Variants in DCHS1 observed in about 807,000 individuals in gnomAD.
DCHS1 encodes the protein dachsous cadherin-related 1.
DCHS1 carries 78 observed loss-of-function variants against 213.9 expected under a neutral mutation model. That is an observed-to-expected ratio of 0.36 (90% confidence interval 0.30 to 0.44). The LOEUF (loss-of-function observed/expected upper bound fraction) is 0.44, where lower values mean the gene tolerates loss of function less well. DCHS1 is among the 20% of genes least tolerant of loss of function. DCHS1 has a pLI of 1.00. For missense variants in DCHS1, 3,946 were observed against 4,395.9 expected (o/e 0.90, Z 2.89); for synonymous variants, 1,828 against 1,873.7 (o/e 0.98, Z 0.63).
intron 20 of DCHS1, 49 bp from the exon 21 acceptor site, chr11:6,624,439 G>C: frequency 6.7e-7 from 1 of 1,491,008 alleles, no homozygotes; most frequent in Non-Finnish European, 9.0e-7. Context: ...AAGGCTGTGA[G>C]TGAACAGAAG....
rs1205828786 is a variant in DCHS1, at chr11:6,625,723, C to T, written c.6736G>A (p.Val2246Met). 1 of 1,602,378 alleles carries T rather than the reference C, an allele frequency of 6.2e-7. No individual in the cohort carries two copies. The highest frequency in any genetic ancestry group is 1.8e-5 in the Admixed American group (1 of 56,848). The change falls in exon 18 of 21, where the codon GTG becomes ATG. Residue 2246 changes from valine to methionine, a missense_variant. Physicochemically the swap from Val to Met is conservative, Grantham distance 21. Transcript: ENST00000299441. This position sits in a 1 kb window ranked among gnomAD's most constrained non-coding sequence, Gnocchi z 5.3. ...DREIWAETRL[V>M]LMATDRGSPA... Reference sequence around the variant, plus strand: ...CTCCCTCTGTCTGTGGCCATCAGCACCAACCTGGACACAAAGCACAATCAT... The same window carrying T: ...CTCCCTCTGTCTGTGGCCATCAGCATCAACCTGGACACAAAGCACAATCAT...
At position 6,640,505 on chromosome 11, in the gene DCHS1, T is replaced by C. The variant is rs1228141809; in HGVS notation, c.1109A>G (p.Asp370Gly). Residue 370 changes from aspartate to glycine, a missense_variant, in exon 2 of 21, where the codon GAT becomes GGT. Asp to Gly is a moderately conservative substitution (Grantham distance 94). Coordinates refer to ENST00000299441, the MANE Select transcript of DCHS1 (RefSeq NM_003737.4). The surrounding 1 kb of genome is among the most constrained non-coding windows in gnomAD (Gnocchi z 6.5). ...GGCCTCAGACACTTGGGGGGAGCCATCTGCACTGAGAAAGATGACAGTCAT... is the reference window on the plus strand; with the variant it reads ...GGCCTCAGACACTTGGGGGGAGCCACCTGCACTGAGAAAGATGACAGTCAT... ...PSMTVIFLSADGSPQVSEAAP... is the reference protein window; with the variant it reads ...PSMTVIFLSAGGSPQVSEAAP... 5.0e-6 allele frequency: 8 copies of C among 1,612,982 alleles called. No homozygotes were observed. The highest frequency in any genetic ancestry group is 6.8e-6 in the Non-Finnish European group (8 of 1,179,870).
In DCHS1 at chr11:6,630,801, T is replaced by G. The variant is rs1289467287; in HGVS notation, c.3993A>C (p.Ala1331=). Reference sequence around the variant, plus strand: ...TCACCGTCAGCACGACAGGCACTGGTGCCGCTGGGTCCCGCTCTGCGAGAT... The same window carrying G: ...TCACCGTCAGCACGACAGGCACTGGGGCCGCTGGGTCCCGCTCTGCGAGAT... The part of the protein sequence containing the change: ...PPDLAERDPA[A]PVPVVLTVTA... The change falls in exon 10 of 21, where the codon GCA becomes GCC. Residue 1331 remains alanine, a synonymous_variant. Transcript: ENST00000299441. 2.6e-6 allele frequency: 4 copies of G among 1,544,142 alleles called. No individual in the cohort carries two copies. The highest frequency in any genetic ancestry group is 1.2e-5 in the South Asian group (1 of 83,656).
Position 6,640,123 on chromosome 11 carries a change from A to G in DCHS1, c.1491T>C (p.Ala497=). The G allele has an allele frequency of 6.2e-7, 1 of 1,613,712 alleles. No homozygotes were observed. Among genetic ancestry groups the G allele is most frequent in the East Asian group, 2.2e-5 (1 of 44,882 alleles). Residue 497 remains alanine (A), a synonymous_variant, in exon 2 of 21, where the codon GCT becomes GCC. Transcript: ENST00000299441. This position sits in a 1 kb window ranked among gnomAD's most constrained non-coding sequence, Gnocchi z 6.5. ...CATTGGTGCCTTGGTCAGGATCCCGAGCAGTCACCCGCACTACAAAGCTGC... is the reference window on the plus strand; with the variant it reads ...CATTGGTGCCTTGGTCAGGATCCCGGGCAGTCACCCGCACTACAAAGCTGC... ...LPGSFVVRVT[A]RDPDQGTNGQ...
intron 1 of DCHS1, among the ~76,000 whole-genome samples, chr11:6,644,549 C>T (rs1448142417): frequency 6.6e-6 from 1 of 152,246 alleles, no homozygotes; most frequent in African/African-American, 2.4e-5. Flanking sequence ...TAAACACTGA[C>T]AATAAATTGC....
At position 6,627,564 on chromosome 11, in the gene DCHS1, T is replaced by C; in HGVS notation, c.5475A>G (p.Ile1825Met). 2 of 1,612,922 alleles carry C rather than the reference T, an allele frequency of 1.2e-6. No homozygotes were observed. The change falls in exon 14 of 21, where the codon ATA becomes ATG. Residue 1825 changes from isoleucine (I) to methionine (M), a missense_variant. Ile to Met is a conservative substitution (Grantham distance 10, BLOSUM62 1). Coordinates refer to ENST00000299441, the MANE Select transcript of DCHS1 (RefSeq NM_003737.4). This position sits in a 1 kb window ranked among gnomAD's most constrained non-coding sequence, Gnocchi z 5.4. ...CTGGCTGGCCTCCATCCCGGGCCTCTATCCTCAGCTGGAAAGCTGGCTCCA... is the reference window on the plus strand; with the variant it reads ...CTGGCTGGCCTCCATCCCGGGCCTCCATCCTCAGCTGGAAAGCTGGCTCCA... ...REVEPAFQLR[I>M]EARDGGQPAL...
chr11:6,634,405 T>C, intron 2 of DCHS1, 99 bp from the exon 3 acceptor site: 2 of 1,355,678 alleles, frequency 1.5e-6, no homozygotes, highest in Non-Finnish European at 2.0e-6. Context: ...AGTCTCTGGA[T>C]GGCGGACACA....
Position 6,623,648 on chromosome 11 carries a change from T to G in DCHS1, c.8028A>C (p.Val2676=). The G allele has an allele frequency of 6.2e-7, 1 of 1,613,834 alleles. No homozygotes were observed. Among genetic ancestry groups the G allele is most frequent in the Non-Finnish European group, 8.5e-7 (1 of 1,179,890 alleles). ...DCETQARHQL[V]VQAADPAGAH... is the part of the protein sequence containing the mutation. ...CACCAGCAGGGTCAGCAGCCTGTAC[T>G]ACAAGCTGATGTCGAGCCTGGGTCT... Residue 2676 remains valine (V), a synonymous_variant, in exon 21 of 21, where the codon GTA becomes GTC. Coordinates refer to ENST00000299441, the MANE Select transcript of DCHS1 (RefSeq NM_003737.4).
At position 6,627,109 on chromosome 11, in the gene DCHS1, C is replaced by A. The variant is rs748853715; in HGVS notation, c.5930G>T (p.Ser1977Ile). Residue 1977 changes from serine to isoleucine, a missense_variant, in exon 14 of 21, where the codon AGT becomes ATT. This residue lies in a region of DCHS1 where 3,384 missense variants were observed against 3,780.1 expected (regional missense o/e 0.90). Transcript: ENST00000299441. This position sits in a 1 kb window ranked among gnomAD's most constrained non-coding sequence, Gnocchi z 5.4. The stretch of plus-strand genomic sequence containing the variant: ...TGTGGCCAGAGCCAGGGTTGGGGTA[C>A]TGAAGCTGGGGCCTGGGCGGGGCAG... ...LRLPRPGPSF[S>I]TPTLALATLR... 6.2e-7 allele frequency: 1 copy of A among 1,613,120 alleles called. No homozygotes were observed. Among genetic ancestry groups the A allele is most frequent in the South Asian group, 1.1e-5 (1 of 91,080 alleles).
intron 1 of DCHS1, among the ~76,000 whole-genome samples, chr11:6,649,849 T>C (rs1400893389): frequency 6.6e-6 from 1 of 152,040 alleles, no homozygotes; most frequent in Non-Finnish European, 1.5e-5. Flanking sequence ...GCAACCAGAA[T>C]GTTGAAGGAG....
At position 6,630,417 on chromosome 11, in the gene DCHS1, G is replaced by A. The variant is rs1419260216; in HGVS notation, c.4377C>T (p.Arg1459=). The change falls in exon 10 of 21, where the codon CGC becomes CGT. Residue 1459 remains arginine, a synonymous_variant. Coordinates refer to ENST00000299441, the MANE Select transcript of DCHS1 (RefSeq NM_003737.4). ...GGCCGGGGCCGTCGGCGTCCGACGC[G>A]CGGAAAGTGTACAGCGCTGCGCCGG... ...PEPGAALYTF[R]ASDADGPGPN... 19 of 1,449,162 alleles carry A rather than the reference G, an allele frequency of 1.3e-5. No individual in the cohort carries two copies. Among genetic ancestry groups the A allele is most frequent in the Non-Finnish European group, 1.7e-5 (19 of 1,106,890 alleles). The allele number at this position is 1,449,162 out of a possible 1,614,324, so 89.8% of individuals were successfully genotyped here.
At chr11:6,648,221 G>C (rs1293061870) in intron 1 of DCHS1, among the ~76,000 whole-genome samples, 2 of 152,224 alleles carry the variant, frequency 1.3e-5, no homozygotes, top group Admixed American at 1.3e-4. Context: ...TGGCCTTAGA[G>C]ACTCCATCAG....
chr11:6,626,512 G>T lies in DCHS1; in HGVS notation c.6364+40C>A. ...CTGATGCAAAGAACCTGCTTCCCCA[G>T]TAGCCTGTCCTGCACAGAGCCCCTG... is the stretch of plus-strand genomic sequence containing the variant. On this transcript the variant is annotated intron_variant, in intron 15 of 20. Coordinates refer to ENST00000299441, the MANE Select transcript of DCHS1 (RefSeq NM_003737.4). The surrounding 1 kb of genome is among the most constrained non-coding windows in gnomAD (Gnocchi z 5.2). The T allele has an allele frequency of 6.2e-7, 1 of 1,610,388 alleles. No homozygotes were observed. Among genetic ancestry groups the T allele is most frequent in the Non-Finnish European group, 8.5e-7 (1 of 1,177,046 alleles).
chr11:6,628,932 G>A lies in DCHS1; in HGVS notation c.5162-102C>T, dbSNP rs2134622433. On this transcript the variant is annotated intron_variant, in intron 12 of 20. Coordinates refer to ENST00000299441, the MANE Select transcript of DCHS1 (RefSeq NM_003737.4). The surrounding 1 kb of genome is among the most constrained non-coding windows in gnomAD (Gnocchi z 4.3). Reference sequence around the variant, plus strand: ...ATGTTCACTAGGTGCACACAAACCAGAAAATGTCCATCTCTCCATACCTCT... The same window carrying A: ...ATGTTCACTAGGTGCACACAAACCAAAAAATGTCCATCTCTCCATACCTCT... 8.0e-7 allele frequency: 1 copy of A among 1,257,172 alleles called. No individual in the cohort carries two copies. The highest frequency in any genetic ancestry group is 2.5e-5 in the East Asian group (1 of 39,358). The allele number at this position is 1,257,172 out of a possible 1,614,324, so 77.9% of individuals were successfully genotyped here.
chr11:6,632,966 A>C lies in DCHS1; in HGVS notation c.2546T>G (p.Leu849Arg), dbSNP rs2134632052. 1 of 1,614,030 alleles carries C rather than the reference A, an allele frequency of 6.2e-7. No homozygotes were observed. Among genetic ancestry groups the C allele is most frequent in the African/African-American group, 1.3e-5 (1 of 75,068 alleles). Residue 849 changes from leucine to arginine, a missense_variant, in exon 6 of 21, where the codon CTT becomes CGT. Leu to Arg is a moderately radical substitution (Grantham distance 102). This residue lies in a region of DCHS1 where 3,384 missense variants were observed against 3,780.1 expected (regional missense o/e 0.90). Coordinates refer to ENST00000299441, the MANE Select transcript of DCHS1 (RefSeq NM_003737.4). This position sits in a 1 kb window ranked among gnomAD's most constrained non-coding sequence, Gnocchi z 5.9. ...LDAVSGLLQT[L>R]RPLDRELLGP... is the part of the protein sequence containing the mutation. ...CAGTAGCTCCCGGTCCAGAGGGCGA[A>C]GTGTTTGCAACAGTCCTGATACCGC... is the stretch of plus-strand genomic sequence containing the variant.
chr11:6,645,971 A>G (rs1034145824), intron 1 of DCHS1, among the ~76,000 whole-genome samples: 2 of 152,020 alleles, frequency 1.3e-5, no homozygotes, highest in African/African-American at 4.8e-5. Context: ...ATATACACAG[A>G]AGCACATTTT....
At position 6,631,779 on chromosome 11, in the gene DCHS1, C is replaced by G; in HGVS notation, c.3512G>C (p.Arg1171Pro). The change falls in exon 7 of 21, where the codon CGT becomes CCT. Residue 1171 changes from arginine (R) to proline (P), a missense_variant. By Grantham distance (103) the Arg-to-Pro change is moderately radical. Coordinates refer to ENST00000299441, the MANE Select transcript of DCHS1 (RefSeq NM_003737.4). ...GEVTTLQTLD[R>P]EQQSSYQLLV... The stretch of plus-strand genomic sequence containing the variant: ...GAGCTGATAGCTGCTCTGCTGCTCA[C>G]GGTCCAGGGTTTGGAGTGTGGTCAC... The G allele has an allele frequency of 6.4e-7, 1 of 1,566,226 alleles. No homozygotes were observed. The highest frequency in any genetic ancestry group is 8.6e-7 in the Non-Finnish European group (1 of 1,157,374).
In DCHS1 at chr11:6,631,021, G is replaced by T; in HGVS notation, c.3930+32C>A. On this transcript the variant is annotated intron_variant, in intron 9 of 20. Transcript: ENST00000299441. ...CTGGAGCTACTGAAGGGGACCTACA[G>T]CGGTAGCCAAGGGGAGGAAGGGCAG... is the stretch of plus-strand genomic sequence containing the variant. The T allele has an allele frequency of 6.3e-7, 1 of 1,580,994 alleles. No individual in the cohort carries two copies. Among genetic ancestry groups the T allele is most frequent in the Non-Finnish European group, 8.6e-7 (1 of 1,161,482 alleles).
In DCHS1 at chr11:6,627,344, C is replaced by T; in HGVS notation, c.5695G>A (p.Ala1899Thr). 1.2e-6 allele frequency: 2 copies of T among 1,608,582 alleles called. No individual in the cohort carries two copies. The highest frequency in any genetic ancestry group is 1.7e-6 in the Non-Finnish European group (2 of 1,177,546). The change falls in exon 14 of 21, where the codon GCA becomes ACA. Residue 1899 changes from alanine (A) to threonine (T), a missense_variant. By Grantham distance (58) the Ala-to-Thr change is moderately conservative. This residue lies in a region of DCHS1 where 3,384 missense variants were observed against 3,780.1 expected (regional missense o/e 0.90). Coordinates refer to ENST00000299441, the MANE Select transcript of DCHS1 (RefSeq NM_003737.4). The surrounding 1 kb of genome is among the most constrained non-coding windows in gnomAD (Gnocchi z 5.4). ...HVTYYLGAGT[A>T]GAFLLEPSSG... ...CTGGGCTCCAGCAGGAAGGCTCCTG[C>T]TGTACCGGCGCCCAGGTAGTAGGTC... is the stretch of plus-strand genomic sequence containing the variant.
Sources: allele counts gnomAD v4.1 joint callset (sites outside exome capture counted in the v4.1 genomes callset), GRCh38; gene constraint gnomAD v4.1.1; regional missense constraint gnomAD v4.1.1; non-coding constraint Gnocchi (gnomAD v3.1); transcripts MANE v1.5; gene names NCBI Gene and HGNC (gene_info 2026-07-23, HGNC 2026-07-21).